Variants in OPCML observed in about 807,000 individuals in gnomAD.
OPCML encodes the protein opioid binding protein/cell adhesion molecule like, also known as opioid-binding protein/cell adhesion molecule.
A neutral mutation model predicts 37.8 loss-of-function variants in OPCML; 13 were observed. That is an observed-to-expected ratio of 0.34 (90% CI 0.22 to 0.55). The LOEUF is 0.55. Ranked by LOEUF, OPCML falls within the 20% of genes least tolerant of loss-of-function variation. The pLI, the probability that OPCML is intolerant of heterozygous loss-of-function variation, is 0.91. For missense variants in OPCML, 341 were observed against 435.6 expected, an observed-to-expected ratio of 0.78 and a Z score of 1.93; for synonymous variants, 176 against 168.8, an observed-to-expected ratio of 1.04 and a Z score of -0.33.
chr11:133,209,130 T>C (rs1338505012), intron 1 of OPCML, among the ~76,000 whole-genome samples: 4 of 152,206 alleles, frequency 2.6e-5, no homozygotes, highest in African/African-American at 9.6e-5. Context: ...TATCGCTTAA[T>C]TACAGCTGTG....
Position 133,208,480 on chromosome 11 carries a change from A to T in OPCML, c.62-265470T>A, listed in dbSNP as rs1219772825. Among the ~76,000 whole-genome samples the T allele has an allele frequency of 1.3e-5, 2 of 152,176 alleles. No individual in the cohort carries two copies. Among genetic ancestry groups the T allele is most frequent in the African/African-American group, 4.8e-5 (2 of 41,442 alleles). On this transcript the variant is annotated intron_variant, in intron 1 of 7. Transcript: ENST00000524381. This position sits in a 1 kb window ranked among gnomAD's most constrained non-coding sequence, Gnocchi z 8.9. The stretch of plus-strand genomic sequence containing the variant: ...TTTCTCTTGATCTCTCAATTTTTGC[A>T]TGAATAGATTTGGATAATAAAGTGC...
At chr11:132,907,242 A>G (rs1053016388) in intron 2 of OPCML, among the ~76,000 whole-genome samples, 1 of 152,114 alleles carries the variant, frequency 6.6e-6, no homozygotes, top group Non-Finnish European at 1.5e-5. Flanking sequence ...TAACGGTAAA[A>G]GCTGTTTTAC....
chr11:133,528,385 C>A (rs933620109), intron 1 of OPCML, among the ~76,000 whole-genome samples: 6 of 152,220 alleles, frequency 3.9e-5, no homozygotes, highest in Non-Finnish European at 5.9e-5. Context: ...TGACCAGATG[C>A]TCTGTCCTTG....
At chr11:132,714,610 G>A (rs1164474248) in intron 2 of OPCML, among the ~76,000 whole-genome samples, 1 of 152,188 alleles carries the variant, frequency 6.6e-6, no homozygotes, top group African/African-American at 2.4e-5. Context: ...AAGCTTGACA[G>A]AAAACCTATA....
At chr11:132,441,128 G>C (rs2096031200) in intron 4 of OPCML, among the ~76,000 whole-genome samples, 1 of 150,808 alleles carries the variant, frequency 6.6e-6, no homozygotes, top group African/African-American at 2.4e-5. Flanking sequence ...TGAGCCATTG[G>C]AAAGATTCTG....
Position 132,597,953 on chromosome 11 carries a change from G to A in OPCML, c.379+59134C>T, listed in dbSNP as rs923054150. Among the ~76,000 whole-genome samples the A allele has an allele frequency of 9.2e-5, 14 of 151,842 alleles. 1 individual carries two copies. Among genetic ancestry groups the A allele is most frequent in the Admixed American group, 9.2e-4 (14 of 15,230 alleles). On this transcript the variant is annotated intron_variant, in intron 3 of 7. Coordinates refer to ENST00000524381, the MANE Select transcript of OPCML (RefSeq NM_001012393.5). ...AATGTGCTAAGCCTCTACCTGGAAC[G>A]CCCTCTTGTTTCTTTTCCACTTTAC... is the stretch of plus-strand genomic sequence containing the variant.
chr11:133,071,617 A>G (rs759809357), intron 1 of OPCML, among the ~76,000 whole-genome samples: 1 of 152,132 alleles, frequency 6.6e-6, no homozygotes, highest in African/African-American at 2.4e-5. Flanking sequence ...CAGAAACCCA[A>G]TTTTCCCAAA....
intron 1 of OPCML, among the ~76,000 whole-genome samples, chr11:133,103,329 T>C (rs1949113298): frequency 6.6e-6 from 1 of 152,182 alleles, no homozygotes; most frequent in South Asian, 2.1e-4. Flanking sequence ...CCAAAATCCA[T>C]GTTGTATTTT....
intron 4 of OPCML, among the ~76,000 whole-genome samples, chr11:132,457,931 G>C (rs374015143): frequency 2.0e-5 from 3 of 152,246 alleles, no homozygotes; most frequent in Non-Finnish European, 4.4e-5. Context: ...GACAGGCAAA[G>C]TGTCTGCCGT....
intron 1 of OPCML, among the ~76,000 whole-genome samples, chr11:133,111,412 A>G (rs1328873947): frequency 2.6e-5 from 4 of 151,854 alleles, no homozygotes; most frequent in Non-Finnish European, 5.9e-5. Flanking sequence ...CCAAGATCAC[A>G]CTCCCTGTGT....
intron 1 of OPCML, among the ~76,000 whole-genome samples, chr11:133,273,819 T>C (rs1941917617): frequency 6.6e-6 from 1 of 152,168 alleles, no homozygotes; most frequent in African/African-American, 2.4e-5. Context: ...TGTCCGTCAT[T>C]ATCAATGGAA....
chr11:133,440,730 G>GAA (rs35655846), intron 1 of OPCML, among the ~76,000 whole-genome samples: 4 of 110,390 alleles, frequency 3.6e-5, no homozygotes, highest in Non-Finnish European at 7.7e-5. Context: ...CCCTCTCAGG[G>GAA]AAAAAAAAAA....
intron 1 of OPCML, among the ~76,000 whole-genome samples, chr11:133,432,254 A>T (rs4334022): frequency 6.6e-6 from 1 of 152,058 alleles, no homozygotes; most frequent in Admixed American, 6.5e-5. Context: ...GGAAAAAAAG[A>T]GAAATCAGTT....
chr11:133,529,289 C>A (rs982435611), intron 1 of OPCML, among the ~76,000 whole-genome samples: 1 of 152,178 alleles, frequency 6.6e-6, no homozygotes, highest in Non-Finnish European at 1.5e-5. Flanking sequence ...GATTCTGATG[C>A]ACATATCTAG....
chr11:132,915,397 G>C (rs1944573288), intron 2 of OPCML, among the ~76,000 whole-genome samples: 1 of 152,334 alleles, frequency 6.6e-6, no homozygotes, highest in East Asian at 1.9e-4. Context: ...AGGCTGGCAA[G>C]ACCTCAGCCT....
At chr11:132,594,158 C>T (rs1008131673) in intron 3 of OPCML, among the ~76,000 whole-genome samples, 1 of 152,148 alleles carries the variant, frequency 6.6e-6, no homozygotes, top group Non-Finnish European at 1.5e-5. Context: ...TGAGTAAATG[C>T]AAACCTACCT....
intron 1 of OPCML, among the ~76,000 whole-genome samples, chr11:133,199,360 TAATA>T (rs1738985710): frequency 6.6e-6 from 1 of 152,228 alleles, no homozygotes; most frequent in Non-Finnish European, 1.5e-5. Context: ...GTCTTATAAG[TAATA>T]AATTATTTTT....
rs1242865045 is a variant in OPCML at position 132,416,287 on chromosome 11, G to A, written c.*3906C>T. The A allele has an allele frequency of 6.6e-6, 1 of 152,132 alleles. No homozygotes were observed. The highest frequency in any genetic ancestry group is 2.4e-5 in the African/African-American group (1 of 41,416). 9.4% of individuals were successfully genotyped at this position (152,132 alleles called of 1,614,324 possible). A position where few individuals can be genotyped will look rare whatever the true frequency, so the allele number is the denominator to read the frequency against. On this transcript the variant is annotated 3_prime_UTR_variant, in exon 8 of 8. Coordinates refer to ENST00000524381, the MANE Select transcript of OPCML (RefSeq NM_001012393.5). ...CAAAGTCAGTATGGAATTGAGGAAA[G>A]ATGCCCCACCACCAGATCTTACCTC...
At chr11:132,740,004 C>T (rs1415794947) in intron 2 of OPCML, among the ~76,000 whole-genome samples, 2 of 152,050 alleles carry the variant, frequency 1.3e-5, no homozygotes, top group Non-Finnish European at 2.9e-5. Context: ...GTTTCCCCCA[C>T]CCTGTGCAAA....
Sources: gnomAD v4.1 joint callset for allele counts (sites outside exome capture counted in the v4.1 genomes callset) on GRCh38, gnomAD v4.1.1 for gene constraint, Gnocchi (gnomAD v3.1) non-coding constraint, MANE v1.5 for transcripts, NCBI Gene and HGNC (gene_info 2026-07-23, HGNC 2026-07-21) for gene names.